The following ZFPM2 variants were observed in gnomAD, a reference collection of about 807,000 sequenced individuals.
The protein encoded by ZFPM2 is zinc finger protein, FOG family member 2.
ZFPM2 carries 20 observed loss-of-function variants against 98.6 expected under a neutral mutation model. The ratio of observed to expected loss-of-function variants is 0.20; its 90% CI spans 0.14 to 0.29. The LOEUF is 0.29. ZFPM2 is among the 10% of genes least tolerant of loss of function. The probability of loss-of-function intolerance (pLI) is 1.00; values close to 1 mark genes in which losing one functional copy is unlikely to be tolerated. For synonymous variants in ZFPM2, 518 were observed against 502.7 expected, an observed-to-expected ratio of 1.03 and a Z score of -0.41; for missense variants, 1,310 against 1,388.6, an observed-to-expected ratio of 0.94 and a Z score of 0.90.
intron 3 of ZFPM2, among the ~76,000 whole-genome samples, chr8:105,472,548 G>A (rs2130353002): frequency 6.6e-6 from 1 of 152,148 alleles, no homozygotes; most frequent in South Asian, 2.1e-4. Flanking sequence ...TGTCGCCCAG[G>A]CTGGAGTGCA....
At chr8:105,403,350 GTTA>G (rs1414595735) in intron 1 of ZFPM2, among the ~76,000 whole-genome samples, 2 of 151,854 alleles carry the variant, frequency 1.3e-5, no homozygotes, top group African/African-American at 4.8e-5. Context: ...TCGATCTGTT[GTTA>G]TTATTTTCTG....
intron 1 of ZFPM2, among the ~76,000 whole-genome samples, chr8:105,352,533 T>C (rs1471495304): frequency 1.3e-5 from 2 of 151,890 alleles, no homozygotes; most frequent in Non-Finnish European, 2.9e-5. Context: ...TTTTACATTG[T>C]TTTTTCAGTT....
At chr8:105,567,375 T>G (rs1425626867) in intron 4 of ZFPM2, among the ~76,000 whole-genome samples, 2 of 152,202 alleles carry the variant, frequency 1.3e-5, no homozygotes, top group Non-Finnish European at 2.9e-5. Context: ...CAACCAATGA[T>G]GGACAGAAAG....
At chr8:105,514,146 G>A (rs867542468) in intron 3 of ZFPM2, among the ~76,000 whole-genome samples, 6 of 151,736 alleles carry the variant, frequency 4.0e-5, no homozygotes, top group Middle Eastern at 3.2e-3. Flanking sequence ...GGGATTACAG[G>A]TCCCCACCAT....
intron 3 of ZFPM2, among the ~76,000 whole-genome samples, chr8:105,494,227 A>AT (rs56993483): frequency 2.2e-4 from 28 of 127,626 alleles, no homozygotes; most frequent in South Asian, 5.2e-4. Flanking sequence ...ATATATATAT[A>AT]ATCTCAAACT....
Position 105,803,159 on chromosome 8 carries a change from C to A in ZFPM2, c.3077C>A (p.Ala1026Glu). 2.5e-6 allele frequency: 4 copies of A among 1,613,846 alleles called. No individual in the cohort carries two copies. In the South Asian group the frequency reaches 4.4e-5, roughly 18 times the overall value. The change falls in exon 8 of 8, where the codon GCG (alanine) becomes GAG (glutamate). Residue 1026 changes from alanine (A) to glutamate (E), a missense_variant. By Grantham distance (107) the Ala-to-Glu change is moderately radical. Transcript: ENST00000407775. ...CAGGCTTCCTCAAATGGGTGTGCTG[C>A]GCTGAAGAAAGATTCTCTGCCATTG... ...KGQASSNGCA[A>E]LKKDSLPLLP...
intron 1 of ZFPM2, among the ~76,000 whole-genome samples, chr8:105,371,305 A>G (rs138215285): frequency 1.5e-3 from 225 of 152,274 alleles, no homozygotes; most frequent in African/African-American, 5.2e-3. Context: ...AAAGCTGAAT[A>G]TTTAAAGAAT....
At chr8:105,484,089 A>C (rs1170243635) in intron 3 of ZFPM2, among the ~76,000 whole-genome samples, 1 of 151,854 alleles carries the variant, frequency 6.6e-6, no homozygotes, top group Non-Finnish European at 1.5e-5. Context: ...GTTGCATATG[A>C]TCTTTCTAGG....
chr8:105,327,378 T>C (rs1284461182), intron 1 of ZFPM2, among the ~76,000 whole-genome samples: 2 of 151,710 alleles, frequency 1.3e-5, no homozygotes, highest in Admixed American at 6.6e-5. Flanking sequence ...CTTTAAACTT[T>C]TAATTTCTGT....
intron 4 of ZFPM2, among the ~76,000 whole-genome samples, chr8:105,593,068 G>A (rs1815884890): frequency 6.6e-6 from 1 of 152,110 alleles, no homozygotes; most frequent in Non-Finnish European, 1.5e-5. Flanking sequence ...TCAGCCACTG[G>A]AGCAAAAGAA....
intron 3 of ZFPM2, among the ~76,000 whole-genome samples, chr8:105,447,375 G>T (rs1197033895): frequency 6.6e-6 from 1 of 150,748 alleles, no homozygotes; most frequent in Non-Finnish European, 1.5e-5. Context: ...GTAAAAAATA[G>T]AAAATAATAT....
chr8:105,372,303 A>G (rs1331952466), intron 1 of ZFPM2, among the ~76,000 whole-genome samples: 1 of 151,948 alleles, frequency 6.6e-6, no homozygotes, highest in Non-Finnish European at 1.5e-5. Context: ...CGGCCTCCCA[A>G]AGTGCTGGGA....
intron 1 of ZFPM2, among the ~76,000 whole-genome samples, chr8:105,392,031 T>C (rs539584323): frequency 3.9e-5 from 6 of 152,216 alleles, no homozygotes; most frequent in Admixed American, 3.9e-4. Context: ...ATGTATTCCT[T>C]AATAAGACTT....
intron 4 of ZFPM2, among the ~76,000 whole-genome samples, chr8:105,601,552 G>A (rs779815751): frequency 6.6e-6 from 1 of 151,954 alleles, no homozygotes; most frequent in Non-Finnish European, 1.5e-5. Context: ...CTAAATTATA[G>A]CCAAATTCTT....
At position 105,803,005 on chromosome 8, in the gene ZFPM2, G is replaced by T; in HGVS notation, c.2923G>T (p.Ala975Ser). Residue 975 changes from alanine to serine, a missense_variant, in exon 8 of 8, where the codon GCA becomes TCA. Coordinates refer to ENST00000407775, the MANE Select transcript of ZFPM2 (RefSeq NM_012082.4). ...QCLYPGAIKKAKGADQLSPYY... is the reference protein window; with the variant it reads ...QCLYPGAIKKSKGADQLSPYY... ...CCTTTACCCTGGAGCAATAAAGAAA[G>T]CAAAAGGAGCCGACCAGCTTTCTCC... 1.2e-6 allele frequency: 2 copies of T among 1,612,918 alleles called. No homozygotes were observed. Among genetic ancestry groups the T allele is most frequent in the Non-Finnish European group, 1.7e-6 (2 of 1,179,448 alleles).
intron 5 of ZFPM2, among the ~76,000 whole-genome samples, chr8:105,651,331 G>T (rs770527202): frequency 3.6e-4 from 54 of 151,990 alleles, no homozygotes; most frequent in Non-Finnish European, 3.1e-4. Context: ...AGCCGGGTGT[G>T]GTGGCGGGCA....
Position 105,406,480 on chromosome 8 carries a change from T to C in ZFPM2, c.41-12664T>C, listed in dbSNP as rs141710828. Among the ~76,000 whole-genome samples, 3 of 152,166 alleles carry C rather than the reference T, an allele frequency of 2.0e-5. No homozygotes were observed. In the East Asian group the frequency reaches 5.8e-4, roughly 29 times the overall value. On this transcript the variant is annotated intron_variant, in intron 1 of 7. Coordinates refer to ENST00000407775, the MANE Select transcript of ZFPM2 (RefSeq NM_012082.4). ...CAAGATGGATTAAAGACCTACATGT[T>C]AGACCTAAAACCATAAAATCCCTAG...
At chr8:105,412,814 A>C (rs1291014819) in intron 1 of ZFPM2, among the ~76,000 whole-genome samples, 1 of 151,714 alleles carries the variant, frequency 6.6e-6, no homozygotes, top group Non-Finnish European at 1.5e-5. Context: ...TGGGATATGC[A>C]TGAGACAAAT....
intron 5 of ZFPM2, among the ~76,000 whole-genome samples, chr8:105,670,365 G>A (rs1451373552): frequency 3.3e-5 from 5 of 151,862 alleles, no homozygotes; most frequent in Admixed American, 6.6e-5. Context: ...GCGCGGTGGC[G>A]GGCGCCTGTA....
Sources: allele counts gnomAD v4.1 joint callset (sites outside exome capture counted in the v4.1 genomes callset), GRCh38; gene constraint gnomAD v4.1.1; transcripts MANE v1.5; gene names NCBI Gene and HGNC (gene_info 2026-07-23, HGNC 2026-07-21).